Variants in LRCH3 observed in about 807,000 individuals in gnomAD.
LRCH3 encodes DISP complex protein LRCH3.
LRCH3 carries 68 observed loss-of-function variants against 104.5 expected under a neutral mutation model. The ratio of observed to expected loss-of-function variants is 0.65; its 90% CI spans 0.54 to 0.80. LRCH3 has a LOEUF of 0.80. Ranked by LOEUF, LRCH3 falls within the 30% of genes least tolerant of loss-of-function variation. LRCH3 has a pLI of 0.00. For missense variants in LRCH3, 951 were observed against 953.9 expected (o/e 1.00, Z 0.04); for synonymous variants, 344 against 361.3 (o/e 0.95, Z 0.54).
At position 197,853,758 on chromosome 3, in the gene LRCH3, C is replaced by T. The variant is rs542011745; in HGVS notation, c.1591-634C>T. Among the ~76,000 whole-genome samples, 14 of 152,254 alleles carry T rather than the reference C, an allele frequency of 9.2e-5. No homozygotes were observed. The South Asian group carries it at 2.7e-3, about 29-fold the overall frequency. On this transcript the variant is annotated intron_variant, in intron 13 of 20. Coordinates refer to ENST00000425562, the MANE Select transcript of LRCH3 (RefSeq NM_001365715.1). ...CTACTTCTGTTTTTTTATGTTAGAA[C>T]ATTATATATTTGTATAATACCTCAA...
At chr3:197,866,285 A>G (rs2109494442) in intron 17 of LRCH3, 66 bp downstream of exon 17, 1 of 1,118,964 alleles carries the variant, frequency 8.9e-7, no homozygotes, top group Non-Finnish European at 1.4e-6. Context: ...TAGCTGTTAG[A>G]TGGATGCTTT....
chr3:197,823,531 C>G (rs1734747612), intron 4 of LRCH3: 1 of 152,294 alleles, frequency 6.6e-6, no homozygotes. Context: ...CTCTGTTGCC[C>G]AGGCTGGAGT....
At chr3:197,880,330 GAGA>G (rs1244065033) in intron 20 of LRCH3, among the ~76,000 whole-genome samples, 1 of 152,194 alleles carries the variant, frequency 6.6e-6, no homozygotes, top group Non-Finnish European at 1.5e-5. Flanking sequence ...GCTCAGCATG[GAGA>G]AGATTCTTTG....
Position 197,886,867 on chromosome 3 carries a change from A to G in LRCH3, c.*3201A>G, listed in dbSNP as rs1242168945. 2 of 152,050 alleles carry G rather than the reference A, an allele frequency of 1.3e-5. No homozygotes were observed. The highest frequency in any genetic ancestry group is 2.9e-5 in the Non-Finnish European group (2 of 68,008). The allele number at this position is 152,050 out of a possible 1,614,324, so 9.4% of individuals were successfully genotyped here. On this transcript the variant is annotated 3_prime_UTR_variant, in exon 21 of 21. Transcript: ENST00000425562. Reference sequence around the variant, plus strand: ...TATACTATGCAAGGAATAATTCTAGAAGACATTACATAATGCAATACTTGC... The same window carrying G: ...TATACTATGCAAGGAATAATTCTAGGAGACATTACATAATGCAATACTTGC...
At position 197,831,911 on chromosome 3, in the gene LRCH3, C is replaced by CAG. The variant is rs923474895; in HGVS notation, c.982-284_982-283dup. On this transcript the variant is annotated intron_variant, in intron 7 of 20. Transcript: ENST00000425562. ...GGATTATAGGCATCAGCCACCACTC[C>CAG]AGACCAGATTTTTATTTTTTTGAAA... Among the ~76,000 whole-genome samples, 46 of 151,986 alleles carry CAG rather than the reference C, an allele frequency of 3.0e-4. 1 individual carries two copies. The highest frequency in any genetic ancestry group is 1.1e-3 in the African/African-American group (44 of 41,434).
At chr3:197,879,979 T>C (rs1330861988) in intron 20 of LRCH3, among the ~76,000 whole-genome samples, 11 of 148,850 alleles carry the variant, frequency 7.4e-5, no homozygotes, top group African/African-American at 1.0e-4. Flanking sequence ...GGAGTCTCGC[T>C]CTGTCACCCA....
rs539416057 is a variant in LRCH3 at position 197,873,955 on chromosome 3, A to C, written c.2131-1743A>C. ...AGAATCACTTGAGTCCAAGAGACGG[A>C]GGTTGCAGTGAGCCAAGATAGCACC... On this transcript the variant is annotated intron_variant, in intron 19 of 20. Coordinates refer to ENST00000425562, the MANE Select transcript of LRCH3 (RefSeq NM_001365715.1). 2.0e-5 allele frequency among the ~76,000 whole-genome samples: 3 copies of C among 146,556 alleles called. No individual in the cohort carries two copies. The Admixed American group carries it at 2.1e-4, about 10-fold the overall frequency.
chr3:197,868,016 C>T (rs1273562752), intron 17 of LRCH3, among the ~76,000 whole-genome samples: 1 of 151,896 alleles, frequency 6.6e-6, no homozygotes, highest in African/African-American at 2.4e-5. Flanking sequence ...AAAGTGAAAC[C>T]CTGTCTCAAA....
chr3:197,860,571 A>G (rs1740757621), intron 15 of LRCH3, among the ~76,000 whole-genome samples: 1 of 151,680 alleles, frequency 6.6e-6, no homozygotes, highest in Admixed American at 6.6e-5. Context: ...CTCTAAAAAC[A>G]TTAAAACCGA....
In LRCH3 at chr3:197,817,342, G is replaced by GCGTGTGTGTGTGTGTGTC. The variant is rs754512268; in HGVS notation, c.534+40_534+41insCGTGTGTGTGTGTGTGTC. The GCGTGTGTGTGTGTGTGTC allele has an allele frequency of 1.9e-5, 6 of 307,904 alleles. 1 individual carries two copies. Among genetic ancestry groups the GCGTGTGTGTGTGTGTGTC allele is most frequent in the Admixed American group, 1.6e-4 (1 of 6,134 alleles). 19.1% of individuals were successfully genotyped at this position (307,904 alleles called of 1,614,324 possible). ...TTGATTGTCCAACATGTGTGTGTGT[G>GCGTGTGTGTGTGTGTGTC]TGTCTGTGTGTGTGTGTGTATATAT... is the stretch of plus-strand genomic sequence containing the variant. On this transcript the variant is annotated intron_variant, in intron 3 of 20. Transcript: ENST00000425562.
intron 8 of LRCH3, among the ~76,000 whole-genome samples, chr3:197,834,486 T>C (rs1441797509): frequency 6.6e-6 from 1 of 152,246 alleles, no homozygotes; most frequent in Non-Finnish European, 1.5e-5. Flanking sequence ...AGGGAGATAG[T>C]AGTCAGAAAC....
chr3:197,875,802 G>A (rs1187299236), intron 20 of LRCH3, 27 bp downstream of exon 20: 4 of 1,403,006 alleles, frequency 2.9e-6, no homozygotes, highest in South Asian at 1.2e-5. Flanking sequence ...TTTTTATGTT[G>A]CCTAAATAGA....
chr3:197,806,227 A>G (rs558536765), intron 1 of LRCH3, among the ~76,000 whole-genome samples: 2 of 152,090 alleles, frequency 1.3e-5, no homozygotes, highest in South Asian at 2.1e-4. Flanking sequence ...CGCCTGGCCT[A>G]TGTTTTTAAA....
chr3:197,816,210 A>G (rs572304402), intron 2 of LRCH3, among the ~76,000 whole-genome samples: 1 of 152,324 alleles, frequency 6.6e-6, no homozygotes, highest in Non-Finnish European at 1.5e-5. Flanking sequence ...AATTGGTCCT[A>G]AGGAATAAGA....
intron 14 of LRCH3, among the ~76,000 whole-genome samples, chr3:197,858,216 T>G (rs1289525181): frequency 6.6e-6 from 1 of 152,218 alleles, no homozygotes; most frequent in Non-Finnish European, 1.5e-5. Flanking sequence ...TTTGTCTTTT[T>G]AATTGACAAT....
At chr3:197,797,858 TCAAAAAAAAAAAAAACAAAAAAAA>T (rs1731406683) in intron 1 of LRCH3, among the ~76,000 whole-genome samples, 1 of 31,012 alleles carries the variant, frequency 3.2e-5, no homozygotes, top group Non-Finnish European at 7.2e-5. Flanking sequence ...AGACTCCATC[TCAAAAAAAAAAAAAACAAAAAAAA>T]CAAAAAAAAA....
chr3:197,792,087 GGTGT>G (rs1293041844), intron 1 of LRCH3, among the ~76,000 whole-genome samples: 2 of 151,776 alleles, frequency 1.3e-5, no homozygotes, highest in African/African-American at 2.4e-5. Flanking sequence ...GAAGTGTTGG[GGTGT>G]GTGTGTGTTT....
At position 197,839,255 on chromosome 3, in the gene LRCH3, G is replaced by A. The variant is rs762030591; in HGVS notation, c.1252-66G>A. The A allele has an allele frequency of 4.7e-5, 47 of 996,632 alleles. 1 individual carries two copies. The highest frequency in any genetic ancestry group is 4.9e-4 in the Middle Eastern group (2 of 4,116). The allele number at this position is 996,632 out of a possible 1,614,324, so 61.7% of individuals were successfully genotyped here. A position where few individuals can be genotyped will look rare whatever the true frequency, so the allele number is the denominator to read the frequency against. Reference sequence around the variant, plus strand: ...ATAAATTAAATGACAAATTGGATGTGAACTGTGTAATCGCAGTGTTCTGGA... The same window carrying A: ...ATAAATTAAATGACAAATTGGATGTAAACTGTGTAATCGCAGTGTTCTGGA... On this transcript the variant is annotated intron_variant, in intron 9 of 20. Coordinates refer to ENST00000425562, the MANE Select transcript of LRCH3 (RefSeq NM_001365715.1).
chr3:197,846,123 C>T (rs975327973), intron 10 of LRCH3, among the ~76,000 whole-genome samples: 2 of 151,944 alleles, frequency 1.3e-5, no homozygotes, highest in African/African-American at 2.4e-5. Flanking sequence ...GTAATCAGGG[C>T]GTGGCGTGGT....
Sources: allele counts gnomAD v4.1 joint callset (sites outside exome capture counted in the v4.1 genomes callset), GRCh38; gene constraint gnomAD v4.1.1; transcripts MANE v1.5; gene names NCBI Gene and HGNC (gene_info 2026-07-23, HGNC 2026-07-21).